NKAIN2: variants seen among roughly 807,000 people sequenced by gnomAD.
NKAIN2 encodes sodium/potassium transporting ATPase interacting 2, also known as sodium/potassium-transporting ATPase subunit beta-1-interacting protein 2.
Under a neutral mutation model 32.6 loss-of-function variants are expected in NKAIN2, and 14 were observed. The observed-to-expected ratio is 0.43, with a 90% confidence interval of 0.28 to 0.67. The LOEUF is 0.67. Ranked by LOEUF, NKAIN2 falls within the 30% of genes least tolerant of loss-of-function variation. The probability of loss-of-function intolerance (pLI) is 0.17; values close to 1 mark genes in which losing one functional copy is unlikely to be tolerated. For missense variants in NKAIN2, 198 were observed against 258.3 expected (o/e 0.77, Z 1.60); for synonymous variants, 80 against 87.2 (o/e 0.92, Z 0.46).
At chr6:124,722,864 C>T (rs540530666) in intron 4 of NKAIN2, among the ~76,000 whole-genome samples, 13 of 152,204 alleles carry the variant, frequency 8.5e-5, no homozygotes, top group Non-Finnish European at 1.8e-4. Flanking sequence ...TTTACAGTAA[C>T]CATCCTAAAA....
chr6:124,306,535 T>C (rs1047983100), intron 2 of NKAIN2, among the ~76,000 whole-genome samples: 1 of 152,098 alleles, frequency 6.6e-6, no homozygotes, highest in South Asian at 2.1e-4. Flanking sequence ...AAAAACAAAA[T>C]CTGTCATGAC....
Position 124,493,185 on chromosome 6 carries a change from AT to A in NKAIN2, c.273+137840del. Among the ~76,000 whole-genome samples, 3 of 152,138 alleles carry A rather than the reference AT, an allele frequency of 2.0e-5. No homozygotes were observed. The East Asian group carries it at 5.8e-4, about 29-fold the overall frequency. Reference sequence around the variant, plus strand: ...AAGAATTAAATCTACACATTATGATATTACATTGGGGCTTTATTAAGGCATC... The same window carrying A: ...AAGAATTAAATCTACACATTATGATATACATTGGGGCTTTATTAAGGCATC... On this transcript the variant is annotated intron_variant, in intron 3 of 6. Coordinates refer to ENST00000368417, the MANE Select transcript of NKAIN2 (RefSeq NM_001040214.3).
chr6:124,534,056 A>G (rs544260567), intron 3 of NKAIN2, among the ~76,000 whole-genome samples: 15 of 152,338 alleles, frequency 9.8e-5, no homozygotes, highest in African/African-American at 2.9e-4. Context: ...AAGGGACACA[A>G]ATATTTAATC....
At chr6:123,902,086 G>T (rs530367126) in intron 1 of NKAIN2, among the ~76,000 whole-genome samples, 1 of 152,148 alleles carries the variant, frequency 6.6e-6, no homozygotes, top group Non-Finnish European at 1.5e-5. Flanking sequence ...ATCTAGGAGG[G>T]TGGCATGTAA....
intron 2 of NKAIN2, among the ~76,000 whole-genome samples, chr6:124,283,845 T>G (rs1232240401): frequency 6.6e-6 from 1 of 152,194 alleles, no homozygotes; most frequent in African/African-American, 2.4e-5. Context: ...TTTTTCTATT[T>G]CTTCTATTTT....
chr6:124,704,073 A>G (rs895400837), intron 4 of NKAIN2, among the ~76,000 whole-genome samples: 7 of 152,004 alleles, frequency 4.6e-5, no homozygotes, highest in East Asian at 1.9e-4. Context: ...ACGTTGGTGT[A>G]GATCATGAGA....
At chr6:124,341,731 A>G (rs915729262) in intron 2 of NKAIN2, among the ~76,000 whole-genome samples, 5 of 152,176 alleles carry the variant, frequency 3.3e-5, no homozygotes, top group Non-Finnish European at 7.4e-5. Context: ...ACCTTATCAG[A>G]ACTTTTATCC....
chr6:124,687,579 TTTATA>T (rs371930630), intron 4 of NKAIN2, among the ~76,000 whole-genome samples: 3 of 83,074 alleles, frequency 3.6e-5, no homozygotes, highest in African/African-American at 1.0e-4. Context: ...ATAATATATA[TTTATA>T]ATATAAATAT....
At chr6:123,825,823 G>T (rs1257945387) in intron 1 of NKAIN2, among the ~76,000 whole-genome samples, 3 of 152,066 alleles carry the variant, frequency 2.0e-5, no homozygotes, top group African/African-American at 7.2e-5. Context: ...CATTTGGTAT[G>T]ATACGTGTTT....
At chr6:123,867,862 ATTT>A (rs1201240894) in intron 1 of NKAIN2, among the ~76,000 whole-genome samples, 5 of 129,178 alleles carry the variant, frequency 3.9e-5, no homozygotes, top group Admixed American at 1.6e-4. Flanking sequence ...TACTGGGTTC[ATTT>A]TTTTTTTTTT....
chr6:124,432,135 G>A (rs975325629), intron 3 of NKAIN2, among the ~76,000 whole-genome samples: 3 of 152,144 alleles, frequency 2.0e-5, no homozygotes, highest in East Asian at 1.9e-4. Context: ...ACATGGAAGC[G>A]CTGCATTTAC....
At chr6:124,053,966 G>T (rs1782525901) in intron 1 of NKAIN2, among the ~76,000 whole-genome samples, 1 of 152,056 alleles carries the variant, frequency 6.6e-6, no homozygotes. Flanking sequence ...TACAGTCTAT[G>T]AGTATAAGGA....
intron 1 of NKAIN2, among the ~76,000 whole-genome samples, chr6:123,985,690 C>T (rs1024562140): frequency 7.2e-5 from 11 of 152,140 alleles, no homozygotes; most frequent in Non-Finnish European, 2.9e-5. Context: ...ACCTATGAAA[C>T]AGCTAAAATA....
rs199562989 is a variant in NKAIN2, at chr6:124,572,492, C to T, written c.274-85694C>T. The stretch of plus-strand genomic sequence containing the variant: ...AATGTTGAATCCCAGTTAATCTTTC[C>T]GGTAAATTATTTATTTTCAGAGAGC... On this transcript the variant is annotated intron_variant, in intron 3 of 6. Transcript: ENST00000368417. Among the ~76,000 whole-genome samples, 16 of 152,252 alleles carry T rather than the reference C, an allele frequency of 1.1e-4. No individual in the cohort carries two copies. In the South Asian group the frequency reaches 2.5e-3, roughly 24 times the overall value.
chr6:124,783,771 G>C (rs1489446009), intron 4 of NKAIN2, among the ~76,000 whole-genome samples: 1 of 152,144 alleles, frequency 6.6e-6, no homozygotes, highest in Non-Finnish European at 1.5e-5. Flanking sequence ...AAATTATGTA[G>C]ATGGAATAAG....
At chr6:124,677,717 T>G (rs761250402) in intron 4 of NKAIN2, among the ~76,000 whole-genome samples, 7 of 152,188 alleles carry the variant, frequency 4.6e-5, no homozygotes, top group Non-Finnish European at 8.8e-5. Context: ...TGTATTTTAC[T>G]TCTATGTCAG....
intron 3 of NKAIN2, among the ~76,000 whole-genome samples, chr6:124,493,764 C>T (rs1777963821): frequency 6.8e-6 from 1 of 146,590 alleles, no homozygotes; most frequent in African/African-American, 2.5e-5. Flanking sequence ...CAATTCTGTG[C>T]ACTCTCCTGG....
intron 1 of NKAIN2, among the ~76,000 whole-genome samples, chr6:124,029,402 A>T (rs1781304317): frequency 6.6e-6 from 1 of 152,060 alleles, no homozygotes; most frequent in Non-Finnish European, 1.5e-5. Context: ...TATTTAAAAA[A>T]AAAAAAAGTA....
chr6:124,508,253 C>T (rs1348415815), intron 3 of NKAIN2, among the ~76,000 whole-genome samples: 1 of 151,736 alleles, frequency 6.6e-6, no homozygotes, highest in East Asian at 1.9e-4. Context: ...TAAGATCCGG[C>T]CTCAAAAAAA....
Sources: allele counts gnomAD v4.1 joint callset (sites outside exome capture counted in the v4.1 genomes callset), GRCh38; gene constraint gnomAD v4.1.1; transcripts MANE v1.5; gene names NCBI Gene and HGNC (gene_info 2026-07-23, HGNC 2026-07-21).